CSMD1: variants seen among roughly 807,000 people sequenced by gnomAD.
CSMD1 encodes CUB and sushi domain-containing protein 1.
In CSMD1, 213 loss-of-function variants were observed where a neutral mutation model predicts 417.5. The ratio of observed to expected loss-of-function variants is 0.51; its 90% CI spans 0.46 to 0.57. The LOEUF is 0.57. Among genes scored for constraint, CSMD1 ranks in the 20% least tolerant of loss-of-function variants. The pLI, the probability that CSMD1 is intolerant of heterozygous loss-of-function variation, is 0.00. For synonymous variants in CSMD1, 2,862 were observed against 1,736.8 expected (o/e 1.65, Z -16.11); for missense variants, 6,923 against 4,529.7 (o/e 1.53, Z -15.17).
intron 3 of CSMD1, among the ~76,000 whole-genome samples, chr8:4,245,844 A>T (rs1218551481): frequency 6.6e-6 from 1 of 152,186 alleles, no homozygotes; most frequent in African/African-American, 2.4e-5. Context: ...ATCATTACAT[A>T]ATCACATAAT....
intron 7 of CSMD1, among the ~76,000 whole-genome samples, chr8:3,683,552 A>T (rs1046665566): frequency 6.6e-6 from 1 of 152,192 alleles, no homozygotes; most frequent in African/African-American, 2.4e-5. Flanking sequence ...AATCATTTGA[A>T]ACCAAAAGAA....
chr8:4,630,029 T>G, intron 2 of CSMD1, among the ~76,000 whole-genome samples: 1 of 152,160 alleles, frequency 6.6e-6, no homozygotes, highest in East Asian at 1.9e-4. Context: ...TTAGTATGGT[T>G]TTGCTGCTTT....
intron 3 of CSMD1, among the ~76,000 whole-genome samples, chr8:4,164,447 C>T (rs1409892505): frequency 6.6e-6 from 1 of 152,098 alleles, no homozygotes; most frequent in Non-Finnish European, 1.5e-5. Context: ...CTGAAACAGC[C>T]TGGCATGCTT....
intron 21 of CSMD1, among the ~76,000 whole-genome samples, chr8:3,348,964 A>G (rs991420005): frequency 6.6e-6 from 1 of 152,314 alleles, no homozygotes. Context: ...CGATCACAGA[A>G]AAATAAAGTG....
chr8:4,027,888 C>G (rs570060958), intron 4 of CSMD1, among the ~76,000 whole-genome samples: 11 of 152,042 alleles, frequency 7.2e-5, no homozygotes, highest in Non-Finnish European at 1.5e-4. Flanking sequence ...GACACAGTAA[C>G]TTTGATTTTT....
intron 47 of CSMD1, among the ~76,000 whole-genome samples, chr8:3,093,097 T>C (rs1041807032): frequency 2.6e-5 from 4 of 152,144 alleles, no homozygotes; most frequent in Non-Finnish European, 4.4e-5. Flanking sequence ...AATTTACACA[T>C]TGAAGTCCTA....
chr8:3,184,481 G>A (rs184160945), intron 36 of CSMD1, among the ~76,000 whole-genome samples: 1 of 152,138 alleles, frequency 6.6e-6, no homozygotes, highest in South Asian at 2.1e-4. Flanking sequence ...TCTGTCTTCA[G>A]TTCTGCTCTT....
chr8:4,521,913 T>A (rs1803473172), intron 2 of CSMD1, among the ~76,000 whole-genome samples: 1 of 152,184 alleles, frequency 6.6e-6, no homozygotes, highest in Non-Finnish European at 1.5e-5. Context: ...AGGCACACCA[T>A]GAGAAGATGT....
intron 5 of CSMD1, among the ~76,000 whole-genome samples, chr8:3,844,445 G>A (rs958877805): frequency 6.6e-6 from 1 of 152,182 alleles, no homozygotes; most frequent in Non-Finnish European, 1.5e-5. Context: ...TGATCCATAG[G>A]AGGTCCAGGG....
intron 3 of CSMD1, among the ~76,000 whole-genome samples, chr8:4,244,160 G>A (rs535023346): frequency 6.6e-6 from 1 of 152,298 alleles, no homozygotes; most frequent in South Asian, 2.1e-4. Context: ...GCTACAGGCA[G>A]CTCTGCAAGT....
Position 3,708,438 on chromosome 8 carries a change from C to A in CSMD1, c.985G>T (p.Asp329Tyr). 6.2e-7 allele frequency: 1 copy of A among 1,613,934 alleles called. No homozygotes were observed. Among genetic ancestry groups the A allele is most frequent in the Non-Finnish European group, 8.5e-7 (1 of 1,179,860 alleles). Residue 329 changes from aspartate to tyrosine, a missense_variant, in exon 7 of 70, where the codon GAT (aspartate) becomes TAT (tyrosine). Transcript: ENST00000635120. ...SRGVKMLPSKDGSHKNSVLSQ... is the reference protein window; with the variant it reads ...SRGVKMLPSKYGSHKNSVLSQ... Reference sequence around the variant, plus strand: ...CAGACAGAGTTTTTATGGCTTCCATCCTTGCTGGGCAGCATCTTGACTCCT... The same window carrying A: ...CAGACAGAGTTTTTATGGCTTCCATACTTGCTGGGCAGCATCTTGACTCCT...
At chr8:4,346,388 C>A (rs1314365420) in intron 3 of CSMD1, among the ~76,000 whole-genome samples, 2 of 152,286 alleles carry the variant, frequency 1.3e-5, no homozygotes, top group African/African-American at 4.8e-5. Flanking sequence ...CCTGACCCCA[C>A]AGCCGAGTTG....
intron 11 of CSMD1, among the ~76,000 whole-genome samples, chr8:3,476,849 C>A (rs934141113): frequency 6.9e-6 from 1 of 144,828 alleles, no homozygotes; most frequent in Non-Finnish European, 1.5e-5. Context: ...ACCTGGGAAG[C>A]AGAGGTCGCA....
rs535391974 is a variant in CSMD1, at chr8:3,849,743, C to G, written c.819-95701G>C. Among the ~76,000 whole-genome samples, 373 of 152,276 alleles carry G rather than the reference C, an allele frequency of 2.4e-3. 3 individuals carry two copies. The highest frequency in any genetic ancestry group is 2.8e-3 in the Non-Finnish European group (191 of 68,026). ...GGGTGTAAACTCAATCTTTATGAAG[C>G]TCTTGTACAAATATCTTTTGAGAAA... On this transcript the variant is annotated intron_variant, in intron 5 of 69. Transcript: ENST00000635120.
At chr8:4,866,640 T>C (rs550800888) in intron 1 of CSMD1, among the ~76,000 whole-genome samples, 1 of 151,900 alleles carries the variant, frequency 6.6e-6, no homozygotes, top group African/African-American at 2.4e-5. Context: ...GAGATTCATA[T>C]GCTGGTTCTA....
At chr8:3,414,779 C>G (rs893301630) in intron 12 of CSMD1, among the ~76,000 whole-genome samples, 6 of 152,174 alleles carry the variant, frequency 3.9e-5, no homozygotes, top group African/African-American at 1.4e-4. Context: ...GGTGTCTCCC[C>G]TCTTCAGCCT....
intron 37 of CSMD1, among the ~76,000 whole-genome samples, chr8:3,177,319 C>T (rs1821003803): frequency 6.6e-6 from 1 of 152,140 alleles, no homozygotes; most frequent in South Asian, 2.1e-4. Context: ...AGCTGGAGGC[C>T]AGAAAGAGCT....
At chr8:3,590,349 A>G (rs1054587860) in intron 8 of CSMD1, among the ~76,000 whole-genome samples, 5 of 152,170 alleles carry the variant, frequency 3.3e-5, no homozygotes, top group Admixed American at 3.3e-4. Flanking sequence ...GGCTGTTTCT[A>G]TTAGACCGTT....
chr8:3,046,675 A>C (rs887060126), intron 50 of CSMD1, among the ~76,000 whole-genome samples: 1 of 151,974 alleles, frequency 6.6e-6, no homozygotes, highest in Non-Finnish European at 1.5e-5. Flanking sequence ...CTGATGCCCA[A>C]AGCACCGGTG....
Sources: gnomAD v4.1 joint callset for allele counts (sites outside exome capture counted in the v4.1 genomes callset) on GRCh38, gnomAD v4.1.1 for gene constraint, MANE v1.5 for transcripts, NCBI Gene and HGNC (gene_info 2026-07-23, HGNC 2026-07-21) for gene names.